The following KIAA0513 variants were observed in gnomAD, a reference collection of about 807,000 sequenced individuals.
KIAA0513 encodes the protein KIAA0513.
A neutral mutation model predicts 56.5 loss-of-function variants in KIAA0513; 39 were observed. The observed-to-expected ratio is 0.69, with a 90% CI of 0.53 to 0.90. KIAA0513 has a LOEUF of 0.90. Ranked by LOEUF, KIAA0513 falls within the 40% of genes least tolerant of loss-of-function variation. The pLI, the probability that KIAA0513 is intolerant of heterozygous loss-of-function variation, is 0.00. For missense variants in KIAA0513, 591 were observed against 535.2 expected (o/e 1.10, Z -1.03); for synonymous variants, 268 against 215.6 (o/e 1.24, Z -2.13).
At chr16:85,058,331 C>G (rs1322043683) in intron 1 of KIAA0513, among the ~76,000 whole-genome samples, 2 of 152,172 alleles carry the variant, frequency 1.3e-5, no homozygotes, top group Non-Finnish European at 2.9e-5. Flanking sequence ...TCATGTATGC[C>G]TTCAGATTTT....
chr16:85,089,521 A>C lies in KIAA0513; in HGVS notation c.*1196A>C, dbSNP rs1482448366. On this transcript the variant is annotated 3_prime_UTR_variant, in exon 13 of 13. Transcript: ENST00000683363. This position sits in a 1 kb window ranked among gnomAD's most constrained non-coding sequence, Gnocchi z 4.2. Reference sequence around the variant, plus strand: ...CCCGGGGCCTGACCCCAACACCTGCATGCTGGGTCCAGAGCCTTCTGTTTC... The same window carrying C: ...CCCGGGGCCTGACCCCAACACCTGCCTGCTGGGTCCAGAGCCTTCTGTTTC... The C allele has an allele frequency of 6.6e-6, 1 of 152,510 alleles. No individual in the cohort carries two copies. The highest frequency in any genetic ancestry group is 1.5e-5 in the Non-Finnish European group (1 of 68,284). The allele number at this position is 152,510 out of a possible 1,614,324, so 9.4% of individuals were successfully genotyped here.
At chr16:85,040,375 C>A (rs973286704) in intron 1 of KIAA0513, among the ~76,000 whole-genome samples, 1 of 152,038 alleles carries the variant, frequency 6.6e-6, no homozygotes, top group South Asian at 2.1e-4. Context: ...TCAAGAAACC[C>A]CACTGTTGGC....
At chr16:85,059,657 T>A (rs758254894) in intron 1 of KIAA0513, among the ~76,000 whole-genome samples, 3 of 152,214 alleles carry the variant, frequency 2.0e-5, no homozygotes, top group African/African-American at 7.2e-5. Context: ...TTGTTCTGAA[T>A]GAAATGGTTT....
At chr16:85,049,621 C>G (rs1442922607) in intron 1 of KIAA0513, among the ~76,000 whole-genome samples, 1 of 152,162 alleles carries the variant, frequency 6.6e-6, no homozygotes, top group Admixed American at 6.5e-5. Flanking sequence ...TGCTCCAGCT[C>G]CTGCCACGTA....
At chr16:85,059,627 A>G (rs2060915020) in intron 1 of KIAA0513, among the ~76,000 whole-genome samples, 2 of 152,148 alleles carry the variant, frequency 1.3e-5, no homozygotes, top group African/African-American at 4.8e-5. Context: ...AAGCAATAAT[A>G]CTGCCTCAGT....
intron 1 of KIAA0513, among the ~76,000 whole-genome samples, chr16:85,050,143 G>C (rs1413801791): frequency 6.6e-6 from 1 of 151,904 alleles, no homozygotes; most frequent in Non-Finnish European, 1.5e-5. Context: ...GCACTGTCTC[G>C]GTGCCTGAAA....
At chr16:85,072,818 C>T (rs981409651) in intron 3 of KIAA0513, 107 bp from the exon 4 acceptor site, 2 of 1,096,896 alleles carry the variant, frequency 1.8e-6, no homozygotes, top group East Asian at 4.8e-5. Context: ...CCTGGGCCCC[C>T]ATCCCAGCTG....
chr16:85,050,951 T>C (rs960448371), intron 1 of KIAA0513, among the ~76,000 whole-genome samples: 3 of 152,118 alleles, frequency 2.0e-5, no homozygotes, highest in African/African-American at 7.2e-5. Context: ...AGCCCAGGTA[T>C]TTGAGACCAG....
chr16:85,038,734 A>AT (rs2073068128), intron 1 of KIAA0513, among the ~76,000 whole-genome samples: 2 of 137,100 alleles, frequency 1.5e-5, no homozygotes, highest in African/African-American at 5.9e-5. Context: ...TAATAATAAT[A>AT]ATATCTTTGT....
intron 1 of KIAA0513, among the ~76,000 whole-genome samples, chr16:85,049,661 C>T (rs1235984096): frequency 6.6e-6 from 1 of 152,202 alleles, no homozygotes; most frequent in African/African-American, 2.4e-5. Flanking sequence ...TAACCTTCTG[C>T]TGTGTTCATA....
chr16:85,053,846 G>A (rs2073289477), intron 1 of KIAA0513, among the ~76,000 whole-genome samples: 1 of 152,142 alleles, frequency 6.6e-6, no homozygotes, highest in Non-Finnish European at 1.5e-5. Flanking sequence ...ACAAAAATTA[G>A]CTGGGCATGG....
At chr16:85,077,371 G>C (rs2073670949) in intron 5 of KIAA0513, 54 bp from the exon 6 acceptor site, 1 of 1,548,594 alleles carries the variant, frequency 6.5e-7, no homozygotes, top group African/African-American at 1.4e-5. Context: ...TCTGCAGTTA[G>C]CAGGCGCATA....
chr16:85,077,516 A>G lies in KIAA0513; in HGVS notation c.666A>G (p.Glu222=), dbSNP rs2073674313. Residue 222 remains glutamate, a synonymous_variant, in exon 6 of 13, where the codon GAA becomes GAG. Coordinates refer to ENST00000683363, the MANE Select transcript of KIAA0513 (RefSeq NM_001388359.1). ...AATCCGCAAACAGCTGGCTGGCCGA[A>G]AAGAAGGACATCGCCGAGCGGCTGC... The part of the protein sequence containing the change: ...YLKSANSWLA[E]KKDIAERLLK... The G allele has an allele frequency of 6.2e-7, 1 of 1,614,160 alleles. No individual in the cohort carries two copies. The highest frequency in any genetic ancestry group is 2.2e-5 in the East Asian group (1 of 44,870).
At chr16:85,053,638 T>C (rs1322233653) in intron 1 of KIAA0513, among the ~76,000 whole-genome samples, 1 of 152,140 alleles carries the variant, frequency 6.6e-6, no homozygotes, top group African/African-American at 2.4e-5. Flanking sequence ...CTAAGAAAGA[T>C]TACTTGAGCC....
At chr16:85,032,661 C>T (rs1432943431) in intron 1 of KIAA0513, among the ~76,000 whole-genome samples, 1 of 151,914 alleles carries the variant, frequency 6.6e-6, no homozygotes, top group Non-Finnish European at 1.5e-5. Context: ...GACAGAGTTT[C>T]AGTCTGTCGT....
intron 6 of KIAA0513, among the ~76,000 whole-genome samples, chr16:85,077,944 A>G (rs2073683298): frequency 6.6e-6 from 1 of 152,330 alleles, no homozygotes; most frequent in Middle Eastern, 3.4e-3. Flanking sequence ...TGGCTGGACC[A>G]ACAGTGAGTG....
At chr16:85,068,906 C>A (rs906799116) in intron 2 of KIAA0513, among the ~76,000 whole-genome samples, 9 of 152,170 alleles carry the variant, frequency 5.9e-5, no homozygotes, top group Non-Finnish European at 1.0e-4. Context: ...GTAGGCTAGC[C>A]ACTCCCTAGC....
chr16:85,050,791 A>G (rs940088377), intron 1 of KIAA0513, among the ~76,000 whole-genome samples: 10 of 152,174 alleles, frequency 6.6e-5, no homozygotes, highest in African/African-American at 2.4e-4. Context: ...GCTGTGAGGA[A>G]TGTATCCCCT....
chr16:85,087,260 A>C (rs948529777), intron 12 of KIAA0513, 94 bp downstream of exon 12: 5 of 1,005,342 alleles, frequency 5.0e-6, no homozygotes, highest in Non-Finnish European at 6.3e-6. Flanking sequence ...GCCAGAAGGC[A>C]TGTCGTGTTG....
Sources: allele counts gnomAD v4.1 joint callset (sites outside exome capture counted in the v4.1 genomes callset), GRCh38; gene constraint gnomAD v4.1.1; non-coding constraint Gnocchi (gnomAD v3.1); transcripts MANE v1.5; gene names NCBI Gene and HGNC (gene_info 2026-07-23, HGNC 2026-07-21).